Variants in HIVEP2 observed in about 807,000 individuals in gnomAD.
HIVEP2 encodes HIVEP zinc finger 2.
HIVEP2 carries 14 observed loss-of-function variants against 180.7 expected under a neutral mutation model. The ratio of observed to expected loss-of-function variants is 0.08; its 90% CI spans 0.05 to 0.12. The LOEUF is 0.12. Among genes scored for constraint, HIVEP2 ranks in the 10% least tolerant of loss-of-function variants. HIVEP2 has a pLI of 1.00. For missense variants in HIVEP2, 2,579 were observed against 3,008.5 expected (o/e 0.86, Z 3.34); for synonymous variants, 1,184 against 1,136.4 (o/e 1.04, Z -0.84).
chr6:142,796,773 C>G (rs547672994), intron 2 of HIVEP2, among the ~76,000 whole-genome samples: 1 of 152,114 alleles, frequency 6.6e-6, no homozygotes. Context: ...TGTGCAAGAA[C>G]CAGGAGAGAT....
intron 2 of HIVEP2, among the ~76,000 whole-genome samples, chr6:142,805,311 C>A (rs1005447359): frequency 6.6e-6 from 1 of 152,002 alleles, no homozygotes; most frequent in Non-Finnish European, 1.5e-5. Flanking sequence ...GACAGGGAAG[C>A]AATTAACTCC....
chr6:142,820,815 T>C (rs1263302058), intron 2 of HIVEP2, among the ~76,000 whole-genome samples: 4 of 152,194 alleles, frequency 2.6e-5, no homozygotes, highest in African/African-American at 9.6e-5. Context: ...TGAGCATCTA[T>C]AAAAGTGGTA....
chr6:142,856,293 G>A (rs12192692), intron 1 of HIVEP2, among the ~76,000 whole-genome samples: 26,876 of 143,164 alleles, frequency 0.19, 2,575 homozygotes, highest in South Asian at 0.23. Context: ...GCCATTCCCA[G>A]AGAAAAAAGT....
intron 1 of HIVEP2, among the ~76,000 whole-genome samples, chr6:142,926,977 C>G (rs1777831755): frequency 6.6e-6 from 1 of 151,746 alleles, no homozygotes; most frequent in Admixed American, 6.6e-5. Context: ...GGCCAAAGTT[C>G]AAGCCGCGTC....
chr6:142,828,902 T>C (rs1774994450), intron 2 of HIVEP2, among the ~76,000 whole-genome samples: 1 of 152,208 alleles, frequency 6.6e-6, no homozygotes. Flanking sequence ...GCTTCCTGTT[T>C]CCCACCTTTC....
At chr6:142,932,567 A>G (rs1777965132) in intron 1 of HIVEP2, among the ~76,000 whole-genome samples, 2 of 152,226 alleles carry the variant, frequency 1.3e-5, no homozygotes, top group Admixed American at 1.3e-4. Flanking sequence ...TATGAGGTCT[A>G]GTTGAAAGAA....
intron 1 of HIVEP2, among the ~76,000 whole-genome samples, chr6:142,905,889 T>C (rs1038078920): frequency 1.3e-5 from 2 of 152,194 alleles, no homozygotes; most frequent in Non-Finnish European, 2.9e-5. Context: ...CCTAGCCCTT[T>C]GGGAGGCCGA....
At chr6:142,888,649 C>T (rs1004578430) in intron 1 of HIVEP2, among the ~76,000 whole-genome samples, 3 of 152,164 alleles carry the variant, frequency 2.0e-5, no homozygotes, top group Non-Finnish European at 4.4e-5. Flanking sequence ...GCCTGATCTC[C>T]TTTGATGAGG....
chr6:142,794,029 G>A (rs1016156488), intron 2 of HIVEP2: 1 of 152,046 alleles, frequency 6.6e-6, no homozygotes, highest in Non-Finnish European at 1.5e-5. Flanking sequence ...AATTTATCTG[G>A]ACTCAAAATC....
chr6:142,785,363 C>T (rs1775973329), intron 2 of HIVEP2, among the ~76,000 whole-genome samples: 1 of 121,088 alleles, frequency 8.3e-6, no homozygotes. Context: ...GAAGAAATCA[C>T]TGAGTTATTT....
At chr6:142,755,292 A>G (rs1775036588) in intron 9 of HIVEP2, among the ~76,000 whole-genome samples, 1 of 152,218 alleles carries the variant, frequency 6.6e-6, no homozygotes, top group Non-Finnish European at 1.5e-5. Flanking sequence ...TAAGCTGGGA[A>G]AGGTGGGAAT....
chr6:142,920,241 A>G (rs553982103), intron 1 of HIVEP2, among the ~76,000 whole-genome samples: 2 of 152,344 alleles, frequency 1.3e-5, no homozygotes, highest in East Asian at 3.9e-4. Flanking sequence ...TAAGGATAAT[A>G]TCCCTTCTAT....
chr6:142,808,031 A>G (rs1776594782), intron 2 of HIVEP2, among the ~76,000 whole-genome samples: 1 of 152,134 alleles, frequency 6.6e-6, no homozygotes, highest in South Asian at 2.1e-4. Flanking sequence ...CTCCATGTCT[A>G]TCACTTAGGG....
chr6:142,944,427 CCA>C (rs34581763), intron 1 of HIVEP2, among the ~76,000 whole-genome samples: 56 of 146,546 alleles, frequency 3.8e-4, no homozygotes, highest in South Asian at 6.5e-4. Flanking sequence ...CCCCACACAC[CCA>C]CACACACACA....
In HIVEP2 at chr6:142,759,786, C is replaced by G. The variant is rs764338328; in HGVS notation, c.6502G>C (p.Val2168Leu). 6.2e-7 allele frequency: 1 copy of G among 1,604,258 alleles called. No homozygotes were observed. Among genetic ancestry groups the G allele is most frequent in the Admixed American group, 1.7e-5 (1 of 57,664 alleles). ...ATTATACTTACAGGAGGCCCCAATA[C>G]AATTGGCTCTGCTTGCAAATACTGT... is the stretch of plus-strand genomic sequence containing the variant. ...MGQYLQAEPI[V>L]LGPPNLRRGL... Residue 2168 changes from valine (V) to leucine (L), a missense_variant, in exon 9 of 10, where the codon GTA (valine) becomes CTA (leucine). Val to Leu is a conservative substitution (Grantham distance 32). Coordinates refer to ENST00000367603, the MANE Select transcript of HIVEP2 (RefSeq NM_006734.4).
Position 142,772,535 on chromosome 6 carries a change from T to A in HIVEP2, c.2204A>T (p.Gln735Leu). 1 of 1,614,170 alleles carries A rather than the reference T, an allele frequency of 6.2e-7. No individual in the cohort carries two copies. The highest frequency in any genetic ancestry group is 8.5e-7 in the Non-Finnish European group (1 of 1,180,046). The change falls in exon 5 of 10, where the codon CAG becomes CTG. Residue 735 changes from glutamine (Q) to leucine (L), a missense_variant. Physicochemically the swap from Gln to Leu is moderately radical, Grantham distance 113. This residue lies in a region of HIVEP2 where 524 missense variants were observed against 563.6 expected (regional missense o/e 0.93). Transcript: ENST00000367603. The surrounding 1 kb of genome is among the most constrained non-coding windows in gnomAD (Gnocchi z 4.9). ...ASDYDPKLQM[Q>L]EGVRSGFAMA... ...GGCAAATCCACTCCTGACTCCTTCC[T>A]GCATCTGCAGTTTGGGGTCATAATC...
intron 2 of HIVEP2, among the ~76,000 whole-genome samples, chr6:142,834,834 A>T (rs540405133): frequency 1.3e-5 from 2 of 152,168 alleles, no homozygotes; most frequent in Admixed American, 6.5e-5. Context: ...AAAAAGTTAC[A>T]TTGAAAAAAA....
chr6:142,773,378 C>T lies in HIVEP2; in HGVS notation c.1361G>A (p.Gly454Asp), dbSNP rs1411002585. The change falls in exon 5 of 10, where the codon GGC becomes GAC. Residue 454 changes from glycine (G) to aspartate (D), a missense_variant. Coordinates refer to ENST00000367603, the MANE Select transcript of HIVEP2 (RefSeq NM_006734.4). ...SQERAAMGRK[G>D]IMEPLPHVNT... ...AACGTGAGGTAATGGTTCCATTATG[C>T]CCTTCCTACCCATTGCGGCACGCTC... The T allele has an allele frequency of 1.9e-6, 3 of 1,614,162 alleles. No homozygotes were observed. The highest frequency in any genetic ancestry group is 1.6e-4 in the Middle Eastern group (1 of 6,062).
chr6:142,928,920 A>G (rs1777879210), intron 1 of HIVEP2, among the ~76,000 whole-genome samples: 2 of 152,098 alleles, frequency 1.3e-5, no homozygotes, highest in South Asian at 2.1e-4. Flanking sequence ...ATCACATCCA[A>G]CTGCTTTATT....
Sources: allele counts gnomAD v4.1 joint callset (sites outside exome capture counted in the v4.1 genomes callset), GRCh38; gene constraint gnomAD v4.1.1; regional missense constraint gnomAD v4.1.1; non-coding constraint Gnocchi (gnomAD v3.1); transcripts MANE v1.5; gene names NCBI Gene and HGNC (gene_info 2026-07-23, HGNC 2026-07-21).